PCDHGA5: variants seen among roughly 807,000 people sequenced by gnomAD.
The protein encoded by PCDHGA5 is protocadherin gamma subfamily A, 5, also known as protocadherin gamma-A5.
Under a neutral mutation model 56.7 loss-of-function variants are expected in PCDHGA5, and 36 were observed. The ratio of observed to expected loss-of-function variants is 0.64; its 90% CI spans 0.49 to 0.84. PCDHGA5 has a LOEUF of 0.84. PCDHGA5 is among the 40% of genes least tolerant of loss of function. PCDHGA5 has a pLI of 0.00. For missense variants in PCDHGA5, 1,305 were observed against 1,201.5 expected (o/e 1.09, Z -1.27); for synonymous variants, 563 against 520.2 (o/e 1.08, Z -1.12).
chr5:141,370,188 T>C, intron 1 of PCDHGA5: 1 of 511,926 alleles, frequency 2.0e-6, no homozygotes, highest in South Asian at 4.0e-5. Context: ...CGCTCTTGGC[T>C]AGTGCTGTGC....
In PCDHGA5 at chr5:141,432,896, G is replaced by A. The variant is rs2097547014; in HGVS notation, c.2422-61911G>A. On this transcript the variant is annotated intron_variant, in intron 1 of 3. Transcript: ENST00000518069. This position sits in a 1 kb window ranked among gnomAD's most constrained non-coding sequence, Gnocchi z 6.0. ...CCTGGCCTTCGTCATCTTGCTGCTG[G>A]CGCTCAGGCTGCGGCGCTGGCACAA... is the stretch of plus-strand genomic sequence containing the variant. 6.2e-7 allele frequency: 1 copy of A among 1,614,056 alleles called. No homozygotes were observed. Among genetic ancestry groups the A allele is most frequent in the African/African-American group, 1.3e-5 (1 of 74,946 alleles).
intron 1 of PCDHGA5, among the ~76,000 whole-genome samples, chr5:141,435,500 A>G (rs896915416): frequency 6.6e-6 from 1 of 152,176 alleles, no homozygotes; most frequent in African/African-American, 2.4e-5. Context: ...TCCTACACTA[A>G]TGATACTAAT....
At chr5:141,375,790 A>G (rs1284123678) in intron 1 of PCDHGA5, 9 of 1,614,216 alleles carry the variant, frequency 5.6e-6, no homozygotes, top group African/African-American at 2.7e-5. Context: ...CCCTCCCCAC[A>G]GACGGTTCCA....
intron 1 of PCDHGA5, chr5:141,409,895 C>T (rs928044268): frequency 2.5e-6 from 4 of 1,613,098 alleles, no homozygotes; most frequent in Non-Finnish European, 3.4e-6. Flanking sequence ...GGTGCTGTAC[C>T]CAGCTCTGGG....
chr5:141,443,317 C>CAAA (rs35054295), intron 1 of PCDHGA5, among the ~76,000 whole-genome samples: 8 of 142,020 alleles, frequency 5.6e-5, no homozygotes, highest in African/African-American at 2.1e-4. Context: ...CCCATCTCTA[C>CAAA]AAAAAAAAAA....
At chr5:141,387,099 T>C (rs997819435) in intron 1 of PCDHGA5, among the ~76,000 whole-genome samples, 3 of 152,210 alleles carry the variant, frequency 2.0e-5, no homozygotes, top group Admixed American at 1.3e-4. Context: ...GAAATGAGAA[T>C]CACATAATAT....
Position 141,477,932 on chromosome 5 carries a change from C to T in PCDHGA5, c.2422-16875C>T. 1 of 1,614,158 alleles carries T rather than the reference C, an allele frequency of 6.2e-7. No homozygotes were observed. The highest frequency in any genetic ancestry group is 8.5e-7 in the Non-Finnish European group (1 of 1,180,034). ...CGCGGATGCAGGGCACAATGCCTGGCTCTCCTACAGTCTCTTGGGATCCCC... is the reference window on the plus strand; with the variant it reads ...CGCGGATGCAGGGCACAATGCCTGGTTCTCCTACAGTCTCTTGGGATCCCC... On this transcript the variant is annotated intron_variant, in intron 1 of 3. Coordinates refer to ENST00000518069, the MANE Select transcript of PCDHGA5 (RefSeq NM_018918.3). This position sits in a 1 kb window ranked among gnomAD's most constrained non-coding sequence, Gnocchi z 4.9.
chr5:141,366,207 T>G lies in PCDHGA5; in HGVS notation c.1877T>G (p.Val626Gly). The change falls in exon 1 of 4, where the codon GTG becomes GGG. Residue 626 changes from valine (V) to glycine (G), a missense_variant. Val to Gly is a moderately radical substitution (Grantham distance 109). Transcript: ENST00000518069. ...GCGGTTGGGCTGCACACGGGCGAGG[T>G]GCGCACAGCGCGAGCCCTGCTGGAC... is the stretch of plus-strand genomic sequence containing the variant. The part of the protein sequence containing the change: ...LFAVGLHTGE[V>G]RTARALLDRD... 1 of 1,613,790 alleles carries G rather than the reference T, an allele frequency of 6.2e-7. No homozygotes were observed. The highest frequency in any genetic ancestry group is 8.5e-7 in the Non-Finnish European group (1 of 1,180,028).
At chr5:141,403,638 A>C in intron 1 of PCDHGA5, 1 of 1,613,906 alleles carries the variant, frequency 6.2e-7, no homozygotes, top group East Asian at 2.2e-5. Context: ...GTGCGCATCC[A>C]TGTGACAGTG....
rs767430191 is a variant in PCDHGA5 at position 141,375,567 on chromosome 5, C to T, written c.2421+8816C>T. 22 of 1,613,958 alleles carry T rather than the reference C, an allele frequency of 1.4e-5. No individual in the cohort carries two copies. The Admixed American group carries it at 3.5e-4, about 26-fold the overall frequency. ...GTCTCCTACTCACTGGCAGAAGACA[C>T]CCTCCAGGGGGCGCCCCTGTCCTCC... On this transcript the variant is annotated intron_variant, in intron 1 of 3. Transcript: ENST00000518069.
In PCDHGA5 at chr5:141,432,198, AC is replaced by A. The variant is rs1345236539; in HGVS notation, c.2422-62608del. ...GTCTCTGTGACCGCCCACGACCCCG[AC>A]TGTGAAGAGAACGCCCAGATCACTT... is the stretch of plus-strand genomic sequence containing the variant. On this transcript the variant is annotated intron_variant, in intron 1 of 3. Coordinates refer to ENST00000518069, the MANE Select transcript of PCDHGA5 (RefSeq NM_018918.3). This position sits in a 1 kb window ranked among gnomAD's most constrained non-coding sequence, Gnocchi z 6.0. 6 of 1,613,998 alleles carry A rather than the reference AC, an allele frequency of 3.7e-6. No homozygotes were observed. Among genetic ancestry groups the A allele is most frequent in the Non-Finnish European group, 4.2e-6 (5 of 1,180,030 alleles).
intron 1 of PCDHGA5, chr5:141,392,836 C>T: frequency 6.2e-7 from 1 of 1,608,040 alleles, no homozygotes; most frequent in Non-Finnish European, 8.5e-7. Context: ...CAGAGTCGCC[C>T]CAGACGCGGC....
chr5:141,418,246 C>T lies in PCDHGA5; in HGVS notation c.2421+51495C>T, dbSNP rs200526306. 4.5e-5 allele frequency: 72 copies of T among 1,614,020 alleles called. No individual in the cohort carries two copies. The African/African-American group carries it at 8.9e-4, about 20-fold the overall frequency. On this transcript the variant is annotated intron_variant, in intron 1 of 3. Coordinates refer to ENST00000518069, the MANE Select transcript of PCDHGA5 (RefSeq NM_018918.3). The stretch of plus-strand genomic sequence containing the variant: ...TGGTGATTGAGGATGTTAATGACCA[C>T]GCCCCTCAATTCCGGAAAGATGAAA...
In PCDHGA5 at chr5:141,498,877, G is replaced by A. The variant is rs886444261; in HGVS notation, c.2480+4012G>A. ...GAACCCAGGAGGCGGAGGTTGCAGTGAGCTGAGATCACACCACTGCACTCC... is the reference window on the plus strand; with the variant it reads ...GAACCCAGGAGGCGGAGGTTGCAGTAAGCTGAGATCACACCACTGCACTCC... On this transcript the variant is annotated intron_variant, in intron 2 of 3. Coordinates refer to ENST00000518069, the MANE Select transcript of PCDHGA5 (RefSeq NM_018918.3). Among the ~76,000 whole-genome samples, 8 of 149,816 alleles carry A rather than the reference G, an allele frequency of 5.3e-5. No individual in the cohort carries two copies. In the East Asian group the frequency reaches 1.4e-3, roughly 26 times the overall value.
chr5:141,431,325 G>C lies in PCDHGA5; in HGVS notation c.2422-63482G>C, dbSNP rs772252181. On this transcript the variant is annotated intron_variant, in intron 1 of 3. Coordinates refer to ENST00000518069, the MANE Select transcript of PCDHGA5 (RefSeq NM_018918.3). The surrounding 1 kb of genome is among the most constrained non-coding windows in gnomAD (Gnocchi z 4.8). Reference sequence around the variant, plus strand: ...ATCGTGCAAAATGGAGCCGACGGTAGTAAGTACCCCGAATTGGTGCTGAAA... The same window carrying C: ...ATCGTGCAAAATGGAGCCGACGGTACTAAGTACCCCGAATTGGTGCTGAAA... 4.3e-6 allele frequency: 7 copies of C among 1,614,144 alleles called. No individual in the cohort carries two copies. In the Admixed American group the frequency reaches 8.3e-5, roughly 19 times the overall value.
Position 141,431,449 on chromosome 5 carries a change from G to A in PCDHGA5, c.2422-63358G>A. Reference sequence around the variant, plus strand: ...GCACAGGCACCGCGCGCATCCGCGTGATGGTTCTGGATGCGAACGACAACG... The same window carrying A: ...GCACAGGCACCGCGCGCATCCGCGTAATGGTTCTGGATGCGAACGACAACG... On this transcript the variant is annotated intron_variant, in intron 1 of 3. Coordinates refer to ENST00000518069, the MANE Select transcript of PCDHGA5 (RefSeq NM_018918.3). The surrounding 1 kb of genome is among the most constrained non-coding windows in gnomAD (Gnocchi z 4.8). The A allele has an allele frequency of 6.2e-7, 1 of 1,613,742 alleles. No individual in the cohort carries two copies. Among genetic ancestry groups the A allele is most frequent in the South Asian group, 1.1e-5 (1 of 91,082 alleles).
chr5:141,498,994 AAGG>A (rs1310594976), intron 2 of PCDHGA5, among the ~76,000 whole-genome samples: 4 of 148,560 alleles, frequency 2.7e-5, no homozygotes, highest in Non-Finnish European at 4.5e-5. Flanking sequence ...GGAAGGAAGG[AAGG>A]AAGGAAGGAA....
chr5:141,400,145 A>T (rs543908773), intron 1 of PCDHGA5: 6 of 1,613,314 alleles, frequency 3.7e-6, no homozygotes, highest in Non-Finnish European at 4.2e-6. Flanking sequence ...GATATCACTG[A>T]CCGCCCTGTA....
intron 1 of PCDHGA5, chr5:141,371,485 C>G: frequency 6.2e-7 from 1 of 1,613,980 alleles, no homozygotes; most frequent in South Asian, 1.1e-5. Context: ...GAGCTGGGGA[C>G]TGCCGTTGCC....
Sources: allele counts gnomAD v4.1 joint callset (sites outside exome capture counted in the v4.1 genomes callset), GRCh38; gene constraint gnomAD v4.1.1; non-coding constraint Gnocchi (gnomAD v3.1); transcripts MANE v1.5; gene names NCBI Gene and HGNC (gene_info 2026-07-23, HGNC 2026-07-21).